TDRD9: variants seen among roughly 807,000 people sequenced by gnomAD.
TDRD9 encodes the protein ATP-dependent RNA helicase TDRD9.
TDRD9 carries 124 observed loss-of-function variants against 172.6 expected under a neutral mutation model. That is an observed-to-expected ratio of 0.72 (90% CI 0.62 to 0.83). The LOEUF (loss-of-function observed/expected upper bound fraction) is 0.83, where lower values mean the gene tolerates loss of function less well. Among genes scored for constraint, TDRD9 ranks in the 40% least tolerant of loss-of-function variants. The probability of loss-of-function intolerance (pLI) is 0.00; values close to 1 mark genes in which losing one functional copy is unlikely to be tolerated. For synonymous variants in TDRD9, 619 were observed against 617.1 expected (o/e 1.00, Z -0.05); for missense variants, 1,479 against 1,714.1 (o/e 0.86, Z 2.42).
intron 34 of TDRD9, among the ~76,000 whole-genome samples, chr14:104,048,355 C>T (rs1021118613): frequency 6.6e-6 from 1 of 152,220 alleles, no homozygotes; most frequent in Non-Finnish European, 1.5e-5. Flanking sequence ...CCTCCTGCCT[C>T]AGTCTCCCAA....
At position 104,049,469 on chromosome 14, in the gene TDRD9, A is replaced by C. The variant is rs966323364; in HGVS notation, c.3975-139A>C. The C allele has an allele frequency of 1.6e-5, 10 of 630,486 alleles. No individual in the cohort carries two copies. In the African/African-American group the frequency reaches 1.9e-4, roughly 12 times the overall value. The allele number at this position is 630,486 out of a possible 1,614,324, so 39.1% of individuals were successfully genotyped here. ...TAAAATATTTTCTGATCATAACTGC[A>C]TAAATGTTGACCTTTAAACAGTTTA... On this transcript the variant is annotated intron_variant, in intron 34 of 35. Transcript: ENST00000409874.
In TDRD9 at chr14:104,026,135, A is replaced by G. The variant is rs1483472265; in HGVS notation, c.3020A>G (p.Gln1007Arg). The change falls in exon 27 of 36, where the codon CAG (glutamine) becomes CGG (arginine). Residue 1007 changes from glutamine (Q) to arginine (R), a missense_variant and splice_region_variant. Gln to Arg is a conservative substitution (Grantham distance 43, BLOSUM62 1). Coordinates refer to ENST00000409874, the MANE Select transcript of TDRD9 (RefSeq NM_153046.3). ...TGTCAATTTCTTGAACTTCCTTTCC[A>G]GGTAAGGTAGAGAAGACTCTAGGGA... ...IPCQFLELPF[Q>R]ALEFKICKMR... 1 of 1,592,940 alleles carries G rather than the reference A, an allele frequency of 6.3e-7. No individual in the cohort carries two copies. Among genetic ancestry groups the G allele is most frequent in the Non-Finnish European group, 8.6e-7 (1 of 1,160,912 alleles).
intron 32 of TDRD9, among the ~76,000 whole-genome samples, chr14:104,035,977 G>A (rs1051555109): frequency 6.6e-6 from 1 of 151,976 alleles, no homozygotes; most frequent in Non-Finnish European, 1.5e-5. Flanking sequence ...ATCTCAAAAT[G>A]TGTAGTGCTT....
At chr14:103,998,055 G>A (rs547261897) in intron 12 of TDRD9, among the ~76,000 whole-genome samples, 1 of 152,160 alleles carries the variant, frequency 6.6e-6, no homozygotes, top group Non-Finnish European at 1.5e-5. Flanking sequence ...GCCTGTGTGA[G>A]GGGGAAAGGT....
chr14:104,048,663 C>G (rs2035851727), intron 34 of TDRD9, among the ~76,000 whole-genome samples: 1 of 152,126 alleles, frequency 6.6e-6, no homozygotes, highest in Admixed American at 6.5e-5. Flanking sequence ...TGTGTGCACC[C>G]CTCCATCAGT....
chr14:103,939,734 A>ATTTTTTTT (rs2031072928), intron 1 of TDRD9: 1 of 23,598 alleles, frequency 4.2e-5, no homozygotes. Context: ...AGTCTTTTTG[A>ATTTTTTTT]AAAAAAGTGT....
chr14:104,027,325 G>A (rs548273618), intron 28 of TDRD9, among the ~76,000 whole-genome samples: 1 of 152,120 alleles, frequency 6.6e-6, no homozygotes, highest in Non-Finnish European at 1.5e-5. Context: ...ACTTCCAGGT[G>A]TGAGCCACTG....
rs79372553 is a variant in TDRD9 at position 104,002,136 on chromosome 14, A to G, written c.1484-2102A>G. 9.0e-3 allele frequency among the ~76,000 whole-genome samples: 1,365 copies of G among 151,528 alleles called. 18 individuals carry two copies. The highest frequency in any genetic ancestry group is 0.031 in the African/African-American group (1,298 of 41,430). On this transcript the variant is annotated intron_variant, in intron 13 of 35. Transcript: ENST00000409874. The stretch of plus-strand genomic sequence containing the variant: ...GGAGTTTGAGATCAGCTTGGGCAAC[A>G]TGGCAAAACCCTATCTCTATAAAAA...
At chr14:103,956,108 AAAAATAT>A (rs1566738259) in intron 2 of TDRD9, among the ~76,000 whole-genome samples, 5 of 36,236 alleles carry the variant, frequency 1.4e-4, no homozygotes, top group Non-Finnish European at 1.9e-4. Flanking sequence ...AAAAAAAAAA[AAAAATAT>A]ATATATATAT....
intron 32 of TDRD9, 99 bp from the exon 33 acceptor site, chr14:104,040,097 G>A: frequency 8.7e-7 from 1 of 1,155,354 alleles, no homozygotes; most frequent in Non-Finnish European, 1.1e-6. Context: ...ACTAGGGCTG[G>A]CAGAATTTAG....
chr14:103,955,806 C>A, intron 2 of TDRD9, 36 bp downstream of exon 2: 1 of 1,494,924 alleles, frequency 6.7e-7, no homozygotes, highest in Non-Finnish European at 9.1e-7. Context: ...AGATAGGATG[C>A]ATGAGTGGTT....
chr14:103,953,859 G>A (rs1468496651), intron 1 of TDRD9, among the ~76,000 whole-genome samples: 1 of 152,120 alleles, frequency 6.6e-6, no homozygotes, highest in African/African-American at 2.4e-5. Context: ...ACTCGGTAAT[G>A]CCCATCCATG....
In TDRD9 at chr14:104,039,437, C is replaced by G. The variant is rs1322941280; in HGVS notation, c.3717-759C>G. Among the ~76,000 whole-genome samples the G allele has an allele frequency of 3.3e-5, 5 of 152,194 alleles. No individual in the cohort carries two copies. In the East Asian group the frequency reaches 9.6e-4, roughly 29 times the overall value. On this transcript the variant is annotated intron_variant, in intron 32 of 35. Transcript: ENST00000409874. ...GCTAGACCACTGTGGCTTCTAGGTCCCACTGTAATTCACAGTGTGGTTGGA... is the reference window on the plus strand; with the variant it reads ...GCTAGACCACTGTGGCTTCTAGGTCGCACTGTAATTCACAGTGTGGTTGGA...
Position 104,026,783 on chromosome 14 carries a change from C to T in TDRD9, c.3126C>T (p.Ser1042=), listed in dbSNP as rs1389951211. The part of the protein sequence containing the change: ...GASQWFASLV[S]GCTLLVKVFS... The stretch of plus-strand genomic sequence containing the variant: ...GCCAGTGGTTCGCCTCTCTGGTGAG[C>T]GGCTGCACCCTCCTTGTGAAGGTCT... The change falls in exon 28 of 36, where the codon AGC becomes AGT. Residue 1042 remains serine (S), a synonymous_variant. Coordinates refer to ENST00000409874, the MANE Select transcript of TDRD9 (RefSeq NM_153046.3). The T allele has an allele frequency of 3.1e-6, 5 of 1,613,928 alleles. No homozygotes were observed. The highest frequency in any genetic ancestry group is 1.7e-5 in the Admixed American group (1 of 60,000).
intron 1 of TDRD9, among the ~76,000 whole-genome samples, chr14:103,931,298 CAAA>C (rs35115834): frequency 3.8e-5 from 5 of 132,088 alleles, no homozygotes; most frequent in Non-Finnish European, 3.3e-5. Flanking sequence ...GACCCTGTCT[CAAA>C]AAAAAAAAAA....
chr14:103,965,577 G>A (rs772988203), intron 4 of TDRD9, 23 bp downstream of exon 4: 1 of 1,427,032 alleles, frequency 7.0e-7, no homozygotes, highest in Non-Finnish European at 9.6e-7. Context: ...GGGAGGGAGG[G>A]ACTAAGAGAG....
intron 6 of TDRD9, among the ~76,000 whole-genome samples, chr14:103,973,662 T>TCA (rs1310487793): frequency 6.6e-5 from 10 of 152,244 alleles, no homozygotes; most frequent in Non-Finnish European, 1.3e-4. Flanking sequence ...CTCTGTGTCC[T>TCA]GCAGTTCACT....
Position 104,026,888 on chromosome 14 carries a change from C to G in TDRD9, c.3231C>G (p.Val1077=). The part of the protein sequence containing the change: ...GVQDAINIRD[V]LIQQGYAELT... ...AGGATGCCATCAACATAAGAGACGT[C>G]CTCATCCAGCAGGGCTATGCCGAGC... Residue 1077 remains valine, a synonymous_variant, in exon 28 of 36, where the codon GTC becomes GTG. Coordinates refer to ENST00000409874, the MANE Select transcript of TDRD9 (RefSeq NM_153046.3). 1 of 1,614,052 alleles carries G rather than the reference C, an allele frequency of 6.2e-7. No homozygotes were observed. The highest frequency in any genetic ancestry group is 1.3e-5 in the African/African-American group (1 of 75,072).
chr14:103,932,937 A>G (rs1471951546), intron 1 of TDRD9, among the ~76,000 whole-genome samples: 1 of 152,102 alleles, frequency 6.6e-6, no homozygotes, highest in Non-Finnish European at 1.5e-5. Flanking sequence ...ACTACATCAT[A>G]GGTAGTTCAG....
Sources: gnomAD v4.1 joint callset for allele counts (sites outside exome capture counted in the v4.1 genomes callset) on GRCh38, gnomAD v4.1.1 for gene constraint, MANE v1.5 for transcripts, NCBI Gene and HGNC (gene_info 2026-07-23, HGNC 2026-07-21) for gene names.